Variants in STK3 observed in about 807,000 individuals in gnomAD.
STK3 encodes the protein serine/threonine kinase 3, also known as serine/threonine-protein kinase 3.
In STK3, 41 loss-of-function variants were observed where a neutral mutation model predicts 58.0. That is an observed-to-expected ratio of 0.71 (90% CI 0.55 to 0.92). The LOEUF (loss-of-function observed/expected upper bound fraction) is 0.92, where lower values mean the gene tolerates loss of function less well. Ranked by LOEUF, STK3 falls within the 40% of genes least tolerant of loss-of-function variation. The pLI, the probability that STK3 is intolerant of heterozygous loss-of-function variation, is 0.00. For missense variants in STK3, 479 were observed against 602.7 expected (o/e 0.79, Z 2.15); for synonymous variants, 170 against 191.0 (o/e 0.89, Z 0.91).
At chr8:98,538,354 A>G (rs943950339) in intron 9 of STK3, among the ~76,000 whole-genome samples, 2 of 152,258 alleles carry the variant, frequency 1.3e-5, no homozygotes, top group Non-Finnish European at 2.9e-5. Context: ...AAGGATAAAC[A>G]TAACATGGAG....
At chr8:98,874,983 A>T (rs1479716420) in intron 3 of STK3, among the ~76,000 whole-genome samples, 2 of 152,144 alleles carry the variant, frequency 1.3e-5, no homozygotes, top group Non-Finnish European at 2.9e-5. Flanking sequence ...AAACAGTATG[A>T]TCCAATTTTG....
chr8:98,544,368 T>C (rs1810524153), intron 9 of STK3, among the ~76,000 whole-genome samples: 1 of 152,196 alleles, frequency 6.6e-6, no homozygotes, highest in Non-Finnish European at 1.5e-5. Context: ...GTACTATTTG[T>C]ATTTAATAAG....
chr8:98,811,846 G>T (rs551535261), intron 1 of STK3, among the ~76,000 whole-genome samples: 3 of 152,166 alleles, frequency 2.0e-5, no homozygotes, highest in Non-Finnish European at 4.4e-5. Flanking sequence ...TTTTTGAGAC[G>T]AAGTCTTGGT....
intron 9 of STK3, among the ~76,000 whole-genome samples, chr8:98,531,805 T>C (rs1399219739): frequency 1.3e-5 from 2 of 152,358 alleles, no homozygotes; most frequent in East Asian, 1.9e-4. Flanking sequence ...CTTCACTTTG[T>C]ACTTGTATGG....
chr8:98,633,847 A>G, intron 6 of STK3: 1 of 425,768 alleles, frequency 2.3e-6, no homozygotes, highest in Non-Finnish European at 4.4e-6. Context: ...CCCAAACTTG[A>G]AGTCATCAAA....
intron 10 of STK3, among the ~76,000 whole-genome samples, chr8:98,460,229 T>C (rs1342966272): frequency 6.6e-6 from 1 of 152,230 alleles, no homozygotes; most frequent in African/African-American, 2.4e-5. Flanking sequence ...GAGATCATTT[T>C]GGAACTTTAA....
chr8:98,506,563 T>C (rs556464808), intron 10 of STK3, among the ~76,000 whole-genome samples: 1 of 152,188 alleles, frequency 6.6e-6, no homozygotes, highest in African/African-American at 2.4e-5. Context: ...ATAATAAAAT[T>C]AGCCAGGTGA....
At chr8:98,590,023 G>C (rs1007311775) in intron 7 of STK3, among the ~76,000 whole-genome samples, 1 of 152,166 alleles carries the variant, frequency 6.6e-6, no homozygotes, top group African/African-American at 2.4e-5. Context: ...AGATGAACCG[G>C]GTACCTCAGA....
At chr8:98,369,623 C>T (rs996160794), downstream of STK3, among the ~76,000 whole-genome samples, 2 of 152,126 alleles carry the variant, frequency 1.3e-5, no homozygotes, top group African/African-American at 4.8e-5. Context: ...TGGGAGCTCC[C>T]TTGCAGGGAG....
chr8:98,350,442 C>T, the STK3 span, among the ~76,000 whole-genome samples: 1 of 152,192 alleles, frequency 6.6e-6, no homozygotes, highest in Non-Finnish European at 1.5e-5. Flanking sequence ...CAAACTGTTC[C>T]AAACTCTGCC....
chr8:98,498,888 C>T (rs1184707047), intron 10 of STK3, among the ~76,000 whole-genome samples: 1 of 152,168 alleles, frequency 6.6e-6, no homozygotes, highest in East Asian at 1.9e-4. Context: ...GAATAATGGT[C>T]CCTTGAGATA....
chr8:98,460,489 T>C (rs975813546), intron 10 of STK3, among the ~76,000 whole-genome samples: 23 of 152,210 alleles, frequency 1.5e-4, no homozygotes, highest in African/African-American at 5.5e-4. Context: ...GGGGAACTAT[T>C]GAAAAGGCAT....
intron 9 of STK3, among the ~76,000 whole-genome samples, chr8:98,542,785 AC>A (rs1256596794): frequency 3.7e-4 from 56 of 152,230 alleles, no homozygotes; most frequent in African/African-American, 1.3e-3. Flanking sequence ...TTTTGAATTT[AC>A]CTAATACACA....
At chr8:98,560,274 AT>A (rs1811906822) in intron 8 of STK3, among the ~76,000 whole-genome samples, 1 of 152,164 alleles carries the variant, frequency 6.6e-6, no homozygotes, top group Non-Finnish European at 1.5e-5. Flanking sequence ...GAAACTATCT[AT>A]ATTTGCAGAT....
intron 3 of STK3, among the ~76,000 whole-genome samples, chr8:98,876,323 G>A (rs1837558918): frequency 6.6e-6 from 1 of 152,188 alleles, no homozygotes. Context: ...GACCAAGAGA[G>A]AAAAATTCTA....
intron 3 of STK3, among the ~76,000 whole-genome samples, chr8:98,831,543 C>T (rs753100920): frequency 2.6e-5 from 4 of 152,072 alleles, no homozygotes; most frequent in Non-Finnish European, 4.4e-5. Context: ...AGGTATGAGC[C>T]GCCATGGCCA....
chr8:98,706,430 T>C (rs1223784300), intron 6 of STK3, 37 bp downstream of exon 6: 3 of 1,562,624 alleles, frequency 1.9e-6, no homozygotes, highest in Non-Finnish European at 8.6e-7. Context: ...AACACTTATA[T>C]AAGGCTAACA....
chr8:98,824,741 A>G (rs905705720), intron 1 of STK3, among the ~76,000 whole-genome samples: 2 of 152,226 alleles, frequency 1.3e-5, no homozygotes, highest in African/African-American at 4.8e-5. Flanking sequence ...TCATCTAAAG[A>G]TCTCTAGCTG....
At chr8:98,423,718 G>T (rs1169666212) in intron 3 of STK3, among the ~76,000 whole-genome samples, 3 of 152,346 alleles carry the variant, frequency 2.0e-5, no homozygotes, top group South Asian at 2.1e-4. Context: ...GTTCCTCACA[G>T]TGGGGAATGT....
Sources: gnomAD v4.1 joint callset for allele counts (sites outside exome capture counted in the v4.1 genomes callset) on GRCh38, gnomAD v4.1.1 for gene constraint, MANE v1.5 for transcripts, NCBI Gene and HGNC (gene_info 2026-07-23, HGNC 2026-07-21) for gene names.